SLC9A9: variants seen among roughly 807,000 people sequenced by gnomAD.
SLC9A9 encodes the protein solute carrier family 9 member A9.
A neutral mutation model predicts 77.8 loss-of-function variants in SLC9A9; 62 were observed. The ratio of observed to expected loss-of-function variants is 0.80; its 90% confidence interval spans 0.65 to 0.98. The LOEUF is 0.98. SLC9A9 is among the 50% of genes least tolerant of loss of function. The pLI is 0.00. For missense variants in SLC9A9, 775 were observed against 774.9 expected (o/e 1.00, Z 0.00); for synonymous variants, 320 against 283.5 (o/e 1.13, Z -1.29).
intron 2 of SLC9A9, among the ~76,000 whole-genome samples, chr3:143,829,680 G>A (rs1039857170): frequency 2.0e-5 from 3 of 151,984 alleles, no homozygotes; most frequent in Non-Finnish European, 2.9e-5. Flanking sequence ...TTAATTCCTG[G>A]CATATATTAA....
intron 13 of SLC9A9, among the ~76,000 whole-genome samples, chr3:143,371,156 G>A (rs541806688): frequency 2.0e-4 from 30 of 152,266 alleles, no homozygotes; most frequent in Non-Finnish European, 4.1e-4. Context: ...GGTTCACAAA[G>A]GCTTACAGGG....
intron 4 of SLC9A9, among the ~76,000 whole-genome samples, chr3:143,748,755 C>G (rs1935261930): frequency 7.0e-6 from 1 of 142,126 alleles, no homozygotes; most frequent in South Asian, 2.3e-4. Flanking sequence ...GGACTGCGGA[C>G]TGCAGTGGCG....
chr3:143,344,945 T>C (rs1352310856), intron 14 of SLC9A9, among the ~76,000 whole-genome samples: 1 of 152,188 alleles, frequency 6.6e-6, no homozygotes, highest in African/African-American at 2.4e-5. Flanking sequence ...TTATCATGAA[T>C]GTAAACTCTG....
intron 5 of SLC9A9, among the ~76,000 whole-genome samples, chr3:143,671,188 G>A (rs185127081): frequency 4.6e-5 from 7 of 152,242 alleles, no homozygotes; most frequent in African/African-American, 7.2e-5. Context: ...TCTAGTAGAC[G>A]TATTCAGATG....
chr3:143,790,108 T>A (rs1317454962), intron 4 of SLC9A9, among the ~76,000 whole-genome samples: 1 of 152,126 alleles, frequency 6.6e-6, no homozygotes, highest in East Asian at 1.9e-4. Context: ...TCTCATTAGA[T>A]CTGATAGTTT....
intron 6 of SLC9A9, among the ~76,000 whole-genome samples, chr3:143,612,699 T>C (rs1260364087): frequency 6.6e-6 from 1 of 152,246 alleles, no homozygotes; most frequent in African/African-American, 2.4e-5. Context: ...GGTATGGGAA[T>C]TCCCAGTTGA....
intron 14 of SLC9A9, among the ~76,000 whole-genome samples, chr3:143,360,056 G>T (rs2032701626): frequency 2.0e-5 from 3 of 152,192 alleles, no homozygotes; most frequent in Admixed American, 6.5e-5. Context: ...TAGAGTAAGA[G>T]ATATCATGGA....
At chr3:143,609,548 A>G (rs1179106909) in intron 6 of SLC9A9, among the ~76,000 whole-genome samples, 3 of 152,160 alleles carry the variant, frequency 2.0e-5, no homozygotes, top group African/African-American at 7.2e-5. Context: ...AATTCAGAGA[A>G]CTGAGAGAGT....
At chr3:143,445,191 T>C (rs1244616928) in intron 12 of SLC9A9, among the ~76,000 whole-genome samples, 1 of 152,232 alleles carries the variant, frequency 6.6e-6, no homozygotes, top group Non-Finnish European at 1.5e-5. Context: ...CTCACTCTGC[T>C]GTTGTAGACC....
At chr3:143,573,807 C>A (rs1322011486) in intron 8 of SLC9A9, among the ~76,000 whole-genome samples, 1 of 152,160 alleles carries the variant, frequency 6.6e-6, no homozygotes, top group Non-Finnish European at 1.5e-5. Context: ...AATCATCCAT[C>A]ACACTATAAA....
chr3:143,656,068 A>T (rs982548936), intron 5 of SLC9A9, among the ~76,000 whole-genome samples: 1 of 152,170 alleles, frequency 6.6e-6, no homozygotes, highest in Non-Finnish European at 1.5e-5. Flanking sequence ...GCAGAAGGGG[A>T]ATGTGTCTTT....
chr3:143,313,655 T>TC (rs1173500934), intron 14 of SLC9A9, among the ~76,000 whole-genome samples: 6 of 152,322 alleles, frequency 3.9e-5, no homozygotes, highest in African/African-American at 1.2e-4. Flanking sequence ...AAATACCATG[T>TC]CCCGAGAGCG....
At chr3:143,322,775 T>C (rs2031462060) in intron 14 of SLC9A9, among the ~76,000 whole-genome samples, 1 of 152,224 alleles carries the variant, frequency 6.6e-6, no homozygotes, top group Admixed American at 6.5e-5. Context: ...TCTACCAGAC[T>C]AGGGAGTCTG....
chr3:143,768,757 G>A (rs373706733), intron 4 of SLC9A9, among the ~76,000 whole-genome samples: 166 of 152,288 alleles, frequency 1.1e-3, no homozygotes, highest in African/African-American at 3.9e-3. Context: ...GAAGGGAAAT[G>A]GGATTTCTTG....
At chr3:143,662,880 T>C (rs553174555) in intron 5 of SLC9A9, among the ~76,000 whole-genome samples, 15 of 152,198 alleles carry the variant, frequency 9.9e-5, no homozygotes, top group African/African-American at 3.4e-4. Context: ...GGGCAGGGCA[T>C]AGCTGAACAA....
intron 5 of SLC9A9, among the ~76,000 whole-genome samples, chr3:143,688,352 G>A (rs1335641398): frequency 2.6e-5 from 4 of 152,122 alleles, no homozygotes; most frequent in South Asian, 2.1e-4. Flanking sequence ...CTACAACTCA[G>A]TTGTGTTTAG....
intron 5 of SLC9A9, among the ~76,000 whole-genome samples, chr3:143,655,127 T>C (rs565550814): frequency 6.6e-6 from 1 of 152,114 alleles, no homozygotes; most frequent in Non-Finnish European, 1.5e-5. Context: ...AATAGGTGAG[T>C]CAGGAAATTA....
chr3:143,730,771 G>A (rs1397456508), intron 4 of SLC9A9, among the ~76,000 whole-genome samples: 4 of 152,052 alleles, frequency 2.6e-5, no homozygotes, highest in Non-Finnish European at 5.9e-5. Context: ...TAAATGGATG[G>A]ATTGATAATG....
chr3:143,313,372 A>G (rs907228264), intron 14 of SLC9A9: 1 of 152,188 alleles, frequency 6.6e-6, no homozygotes, highest in Non-Finnish European at 1.5e-5. Flanking sequence ...ATTCTTCTAT[A>G]GCCATAGGAA....
Sources: gnomAD v4.1 joint callset for allele counts (sites outside exome capture counted in the v4.1 genomes callset) on GRCh38, gnomAD v4.1.1 for gene constraint, MANE v1.5 for transcripts, NCBI Gene and HGNC (gene_info 2026-07-23, HGNC 2026-07-21) for gene names.